TAS2R1: variants seen among roughly 807,000 people sequenced by gnomAD.
TAS2R1 encodes taste receptor type 2 member 1.
For synonymous variants in TAS2R1, 141 were observed against 134.2 expected, an observed-to-expected ratio of 1.05 and a Z score of -0.35; for missense variants, 370 against 353.4, an observed-to-expected ratio of 1.05 and a Z score of -0.38.
At chr5:9,637,656 G>A (rs1298551578) in intron 2 of TAS2R1, among the ~76,000 whole-genome samples, 3 of 151,780 alleles carry the variant, frequency 2.0e-5, no homozygotes, top group African/African-American at 7.3e-5. Context: ...TTTTCTGATT[G>A]AATTAATTCA....
At chr5:9,820,769 G>A in the TAS2R1 span, among the ~76,000 whole-genome samples, 2 of 152,250 alleles carry the variant, frequency 1.3e-5, no homozygotes, top group African/African-American at 4.8e-5. Flanking sequence ...AAACAAAAAC[G>A]AAAGAACAAA....
the TAS2R1 span, among the ~76,000 whole-genome samples, chr5:9,872,732 TTAACTC>T: frequency 6.6e-6 from 1 of 152,204 alleles, no homozygotes; most frequent in African/African-American, 2.4e-5. Context: ...GATTAATAGT[TTAACTC>T]TAGCACATGA....
chr5:9,883,387 A>T, the TAS2R1 span: 1 of 152,296 alleles, frequency 6.6e-6, no homozygotes, highest in South Asian at 2.1e-4. Context: ...AAAATTTAAA[A>T]AAATAAATAA....
the TAS2R1 span, among the ~76,000 whole-genome samples, chr5:9,863,541 G>A: frequency 7.2e-5 from 11 of 152,162 alleles, no homozygotes; most frequent in East Asian, 5.8e-4. Flanking sequence ...TTTGGATTAC[G>A]GGCGTGAGCC....
the TAS2R1 span, among the ~76,000 whole-genome samples, chr5:9,901,374 T>C: frequency 6.6e-6 from 1 of 151,922 alleles, no homozygotes; most frequent in Non-Finnish European, 1.5e-5. Context: ...GAGAAAACCA[T>C]CAGCCTAGAA....
the TAS2R1 span, among the ~76,000 whole-genome samples, chr5:9,732,520 T>A: frequency 1.3e-5 from 2 of 152,008 alleles, no homozygotes; most frequent in African/African-American, 2.4e-5. Context: ...TGGAAGGAGA[T>A]CTGTCCCAGA....
At chr5:9,690,644 T>C (rs990142047) in intron 1 of TAS2R1, among the ~76,000 whole-genome samples, 4 of 151,826 alleles carry the variant, frequency 2.6e-5, no homozygotes, top group African/African-American at 9.7e-5. Context: ...TAATTTTGAG[T>C]TAAAAGTGTT....
chr5:9,826,520 T>C, the TAS2R1 span, among the ~76,000 whole-genome samples: 1 of 152,180 alleles, frequency 6.6e-6, no homozygotes, highest in Non-Finnish European at 1.5e-5. Context: ...TACAAATAGG[T>C]ACATAAGAAG....
the TAS2R1 span, among the ~76,000 whole-genome samples, chr5:9,742,407 A>G: frequency 6.6e-6 from 1 of 151,746 alleles, no homozygotes; most frequent in African/African-American, 2.4e-5. Context: ...AAATACCTCT[A>G]CTCCCCTGAG....
chr5:9,884,249 G>A, the TAS2R1 span, among the ~76,000 whole-genome samples: 1 of 151,980 alleles, frequency 6.6e-6, no homozygotes, highest in Non-Finnish European at 1.5e-5. Flanking sequence ...GCGGAGGTGG[G>A]TGGATCATGA....
intron 1 of TAS2R1, among the ~76,000 whole-genome samples, chr5:9,710,128 A>T (rs2126532289): frequency 6.6e-6 from 1 of 152,416 alleles, no homozygotes; most frequent in Admixed American, 6.5e-5. Context: ...GGCCTTGGCC[A>T]GAGGATTGGC....
chr5:9,886,276 C>T, the TAS2R1 span, among the ~76,000 whole-genome samples: 1 of 151,724 alleles, frequency 6.6e-6, no homozygotes, highest in Non-Finnish European at 1.5e-5. Context: ...AGGCAATTCA[C>T]CGGCCTCAGC....
At chr5:9,831,778 T>G in the TAS2R1 span, among the ~76,000 whole-genome samples, 9 of 152,200 alleles carry the variant, frequency 5.9e-5, no homozygotes, top group African/African-American at 1.2e-4. Flanking sequence ...AAACCTTTCT[T>G]CACAAGTCTT....
chr5:9,878,291 G>A, the TAS2R1 span, among the ~76,000 whole-genome samples: 3,418 of 152,210 alleles, frequency 0.022, 67 homozygotes, highest in Admixed American at 0.051. Context: ...GTGGAGTACC[G>A]TATTTCCTTT....
At chr5:9,779,019 T>C in the TAS2R1 span, among the ~76,000 whole-genome samples, 4 of 152,340 alleles carry the variant, frequency 2.6e-5, no homozygotes, top group East Asian at 7.7e-4. Context: ...GGATGTTTTT[T>C]CCCCTGCAAA....
chr5:9,696,916 G>A (rs988553914), intron 1 of TAS2R1, among the ~76,000 whole-genome samples: 3 of 152,166 alleles, frequency 2.0e-5, no homozygotes, highest in Admixed American at 2.0e-4. Context: ...GGGAGGCTGA[G>A]GCAGGAGAAT....
chr5:9,751,344 ATT>A, the TAS2R1 span, among the ~76,000 whole-genome samples: 18 of 151,696 alleles, frequency 1.2e-4, no homozygotes, highest in African/African-American at 3.6e-4. Context: ...CAAATCCAAC[ATT>A]TTATAATTCT....
chr5:9,686,694 G>A (rs1250796386), intron 1 of TAS2R1, among the ~76,000 whole-genome samples: 1 of 152,116 alleles, frequency 6.6e-6, no homozygotes, highest in East Asian at 1.9e-4. Context: ...CAACATCTGG[G>A]GAAATGGGCA....
chr5:9,868,916 A>AG, the TAS2R1 span, among the ~76,000 whole-genome samples: 1 of 152,304 alleles, frequency 6.6e-6, no homozygotes, highest in South Asian at 2.1e-4. Context: ...TCCAGTTCCC[A>AG]GGAAGTTCTT....
Sources: gnomAD v4.1 joint callset for allele counts (sites outside exome capture counted in the v4.1 genomes callset) on GRCh38, gnomAD v4.1.1 for gene constraint, MANE v1.5 for transcripts, NCBI Gene and HGNC (gene_info 2026-07-23, HGNC 2026-07-21) for gene names.